SGMS1: variants seen among roughly 807,000 people sequenced by gnomAD.
SGMS1 encodes sphingomyelin synthase 1.
A neutral mutation model predicts 46.2 loss-of-function variants in SGMS1; 13 were observed. The observed-to-expected ratio is 0.28, with a 90% CI of 0.18 to 0.45. The LOEUF (loss-of-function observed/expected upper bound fraction) is 0.45. SGMS1 is among the 20% of genes least tolerant of loss of function. SGMS1 has a pLI of 1.00. For missense variants in SGMS1, 324 were observed against 519.9 expected (o/e 0.62, Z 3.66); for synonymous variants, 203 against 187.8 (o/e 1.08, Z -0.66).
chr10:50,338,054 T>C (rs1847745209), intron 7 of SGMS1, among the ~76,000 whole-genome samples: 1 of 152,174 alleles, frequency 6.6e-6, no homozygotes, highest in Admixed American at 6.5e-5. Context: ...TTCTAAAACT[T>C]GATGCCATGG....
chr10:50,551,765 T>C (rs1324573326), intron 2 of SGMS1, among the ~76,000 whole-genome samples: 1 of 152,224 alleles, frequency 6.6e-6, no homozygotes, highest in East Asian at 1.9e-4. Flanking sequence ...ATGTCCAAAA[T>C]GTCTTTCTGC....
chr10:50,594,990 G>C (rs1027368895), intron 1 of SGMS1, among the ~76,000 whole-genome samples: 2 of 152,180 alleles, frequency 1.3e-5, no homozygotes, highest in African/African-American at 4.8e-5. Context: ...CAGCTGATAA[G>C]TGGTAGAACA....
intron 2 of SGMS1, among the ~76,000 whole-genome samples, chr10:50,576,188 A>G (rs895125966): frequency 2.0e-5 from 3 of 152,162 alleles, no homozygotes; most frequent in African/African-American, 7.2e-5. Context: ...AAGACAGGTA[A>G]TGGATGTGCT....
intron 6 of SGMS1, among the ~76,000 whole-genome samples, chr10:50,412,697 AT>A (rs1208763876): frequency 6.6e-6 from 1 of 151,574 alleles, no homozygotes; most frequent in Non-Finnish European, 1.5e-5. Context: ...GGAAAAACAT[AT>A]TTAAGAGACA....
rs1293171114 is a variant in SGMS1, at chr10:50,307,586, T to C, written c.1063-265A>G. 6.6e-6 allele frequency among the ~76,000 whole-genome samples: 1 copy of C among 152,184 alleles called. No individual in the cohort carries two copies. The highest frequency in any genetic ancestry group is 1.5e-5 in the Non-Finnish European group (1 of 68,038). On this transcript the variant is annotated intron_variant, in intron 10 of 10. Transcript: ENST00000361781. The surrounding 1 kb of genome is among the most constrained non-coding windows in gnomAD (Gnocchi z 4.2). ...CTTGCTTATAAATAAACACCTCAGT[T>C]AGCTTTTTAGGTATTCCTCTTCTAT...
At chr10:50,310,728 T>C (rs1197669691) in intron 9 of SGMS1, among the ~76,000 whole-genome samples, 2 of 152,344 alleles carry the variant, frequency 1.3e-5, no homozygotes, top group East Asian at 3.9e-4. Context: ...TTTTGTGATT[T>C]CACAATAAAA....
At chr10:50,390,247 AG>A (rs1423240219) in intron 6 of SGMS1, among the ~76,000 whole-genome samples, 1 of 152,388 alleles carries the variant, frequency 6.6e-6, no homozygotes, top group East Asian at 1.9e-4. Context: ...ATACACCTGC[AG>A]CAGACAAGAC....
In SGMS1 at chr10:50,316,209, A is replaced by T. The variant is rs563877964; in HGVS notation, c.742-4794T>A. 7.9e-5 allele frequency among the ~76,000 whole-genome samples: 12 copies of T among 152,340 alleles called. No individual in the cohort carries two copies. In the South Asian group the frequency reaches 2.5e-3, roughly 32 times the overall value. Reference sequence around the variant, plus strand: ...AACCTAGAACTAAAACCCATCAAATAATGCTGCACAAATTAATGGCTTTCA... The same window carrying T: ...AACCTAGAACTAAAACCCATCAAATTATGCTGCACAAATTAATGGCTTTCA... On this transcript the variant is annotated intron_variant, in intron 8 of 10. Transcript: ENST00000361781.
At chr10:50,473,118 G>A (rs959227153) in intron 3 of SGMS1, among the ~76,000 whole-genome samples, 8 of 151,976 alleles carry the variant, frequency 5.3e-5, no homozygotes, top group African/African-American at 1.9e-4. Flanking sequence ...GTACTAACAT[G>A]TTTAGTTTAA....
intron 7 of SGMS1, among the ~76,000 whole-genome samples, chr10:50,338,681 C>T (rs1379848056): frequency 2.6e-5 from 4 of 151,966 alleles, no homozygotes; most frequent in African/African-American, 7.3e-5. Context: ...AAAATTTATT[C>T]ACTAAACAAA....
chr10:50,448,045 TCA>T (rs1276680011), intron 5 of SGMS1, among the ~76,000 whole-genome samples: 4 of 152,174 alleles, frequency 2.6e-5, no homozygotes, highest in Non-Finnish European at 1.5e-5. Context: ...ATGGATCAAT[TCA>T]CAGTCTCAGG....
chr10:50,358,291 G>A (rs777133190), intron 6 of SGMS1, among the ~76,000 whole-genome samples: 2 of 152,022 alleles, frequency 1.3e-5, no homozygotes, highest in East Asian at 1.9e-4. Flanking sequence ...CTACCTGTGG[G>A]GTACCTTGTT....
At chr10:50,354,333 A>G (rs1279812832) in intron 6 of SGMS1, among the ~76,000 whole-genome samples, 1 of 152,222 alleles carries the variant, frequency 6.6e-6, no homozygotes, top group Non-Finnish European at 1.5e-5. Flanking sequence ...AAAAACAAGA[A>G]ATGGGGAATG....
At chr10:50,537,531 T>C (rs1400922743) in intron 2 of SGMS1, among the ~76,000 whole-genome samples, 1 of 151,898 alleles carries the variant, frequency 6.6e-6, no homozygotes, top group Non-Finnish European at 1.5e-5. Context: ...TATGTATACA[T>C]GTGCCATGTT....
At chr10:50,575,726 T>C (rs1266189667) in intron 2 of SGMS1, among the ~76,000 whole-genome samples, 3 of 152,094 alleles carry the variant, frequency 2.0e-5, no homozygotes, top group Non-Finnish European at 4.4e-5. Flanking sequence ...CTCATCAAAT[T>C]GTATACATTA....
At chr10:50,315,985 G>A (rs1412825184) in intron 8 of SGMS1, among the ~76,000 whole-genome samples, 1 of 152,164 alleles carries the variant, frequency 6.6e-6, no homozygotes, top group Non-Finnish European at 1.5e-5. Flanking sequence ...CACACTATCA[G>A]GTACATTTAG....
chr10:50,307,920 T>C lies in SGMS1; in HGVS notation c.1062+62A>G, dbSNP rs1208419144. ...ACATCCACAGGTTCTTTGCACCCTGTCCAAGCCAGCAACATCAAGCCAGAA... is the reference window on the plus strand; with the variant it reads ...ACATCCACAGGTTCTTTGCACCCTGCCCAAGCCAGCAACATCAAGCCAGAA... On this transcript the variant is annotated intron_variant, in intron 10 of 10. Transcript: ENST00000361781. The surrounding 1 kb of genome is among the most constrained non-coding windows in gnomAD (Gnocchi z 4.2). The C allele has an allele frequency of 6.3e-7, 1 of 1,579,802 alleles. No individual in the cohort carries two copies. Among genetic ancestry groups the C allele is most frequent in the Non-Finnish European group, 8.7e-7 (1 of 1,153,340 alleles).
intron 2 of SGMS1, among the ~76,000 whole-genome samples, chr10:50,586,634 T>A (rs191716136): frequency 6.6e-6 from 1 of 152,326 alleles, no homozygotes; most frequent in Non-Finnish European, 1.5e-5. Flanking sequence ...AGAAAACATG[T>A]GCCAGTAGGG....
chr10:50,389,515 G>T (rs1848733627), intron 6 of SGMS1, among the ~76,000 whole-genome samples: 1 of 152,156 alleles, frequency 6.6e-6, no homozygotes, highest in African/African-American at 2.4e-5. Flanking sequence ...TTTTACTTAA[G>T]ATCACAAGGC....
Sources: allele counts gnomAD v4.1 joint callset (sites outside exome capture counted in the v4.1 genomes callset), GRCh38; gene constraint gnomAD v4.1.1; non-coding constraint Gnocchi (gnomAD v3.1); transcripts MANE v1.5; gene names NCBI Gene and HGNC (gene_info 2026-07-23, HGNC 2026-07-21).